Variants in GNG12 observed in about 807,000 individuals in gnomAD.
GNG12 encodes the protein guanine nucleotide-binding protein G(I)/G(S)/G(O) subunit gamma-12.
For missense variants in GNG12, 69 were observed against 83.8 expected, an observed-to-expected ratio of 0.82 and a Z score of 0.69; for synonymous variants, 28 against 29.7, an observed-to-expected ratio of 0.94 and a Z score of 0.19.
intron 1 of GNG12, among the ~76,000 whole-genome samples, chr1:67,801,146 G>A (rs1646862346): frequency 6.6e-6 from 1 of 152,144 alleles, no homozygotes; most frequent in African/African-American, 2.4e-5. Flanking sequence ...CTTCCATACA[G>A]CCAGGTGTAC....
intron 2 of GNG12, among the ~76,000 whole-genome samples, chr1:67,730,405 G>C (rs1646412082): frequency 6.6e-6 from 1 of 152,168 alleles, no homozygotes; most frequent in African/African-American, 2.4e-5. Flanking sequence ...GGAGGCTGAG[G>C]CATGAGAAAA....
chr1:67,716,995 C>G (rs1333892060), intron 2 of GNG12, among the ~76,000 whole-genome samples: 1 of 152,170 alleles, frequency 6.6e-6, no homozygotes, highest in East Asian at 1.9e-4. Flanking sequence ...AGAGCCTGGG[C>G]AGCGAGTTCC....
intron 2 of GNG12, among the ~76,000 whole-genome samples, chr1:67,754,678 G>A (rs189991608): frequency 2.0e-5 from 3 of 152,160 alleles, no homozygotes; most frequent in Admixed American, 6.5e-5. Context: ...TTTAGATATC[G>A]CTTCCTGCAG....
intron 2 of GNG12, among the ~76,000 whole-genome samples, chr1:67,754,997 T>C (rs530941130): frequency 1.3e-5 from 2 of 152,378 alleles, no homozygotes; most frequent in Admixed American, 1.3e-4. Context: ...GGTGGGCATG[T>C]GCCCCAGTTC....
chr1:67,740,125 T>A (rs914405819), intron 2 of GNG12, among the ~76,000 whole-genome samples: 2 of 152,242 alleles, frequency 1.3e-5, no homozygotes, highest in African/African-American at 4.8e-5. Flanking sequence ...TTTAGGATAT[T>A]ACATTAAGTA....
chr1:67,762,895 T>C (rs990969003), intron 2 of GNG12, among the ~76,000 whole-genome samples: 2 of 152,188 alleles, frequency 1.3e-5, no homozygotes, highest in African/African-American at 4.8e-5. Flanking sequence ...GTCTAAATTA[T>C]ACTCTGCTGC....
At chr1:67,723,390 G>A (rs1339457826) in intron 2 of GNG12, among the ~76,000 whole-genome samples, 1 of 152,104 alleles carries the variant, frequency 6.6e-6, no homozygotes, top group African/African-American at 2.4e-5. Context: ...AGGGAGGAAG[G>A]GTAAGTTAAT....
rs1293556392 is a variant in GNG12, at chr1:67,775,476, T to C, written c.-27+1982A>G. 3.3e-5 allele frequency among the ~76,000 whole-genome samples: 5 copies of C among 152,224 alleles called. No individual in the cohort carries two copies. In the East Asian group the frequency reaches 7.7e-4, roughly 23 times the overall value. ...GGGTCTACCCCAGACCTAATGAATATAGATGGCCCAGTGGAAGGGACTGTA... is the reference window on the plus strand; with the variant it reads ...GGGTCTACCCCAGACCTAATGAATACAGATGGCCCAGTGGAAGGGACTGTA... On this transcript the variant is annotated intron_variant, in intron 2 of 3. Coordinates refer to ENST00000370982, the MANE Select transcript of GNG12 (RefSeq NM_018841.6).
At chr1:67,789,676 G>A (rs1247826066) in intron 1 of GNG12, among the ~76,000 whole-genome samples, 4 of 149,618 alleles carry the variant, frequency 2.7e-5, no homozygotes, top group African/African-American at 7.7e-5. Flanking sequence ...AGAGTCAGGC[G>A]GCACAATCGG....
chr1:67,820,120 G>A (rs1279043671), intron 1 of GNG12, among the ~76,000 whole-genome samples: 2 of 151,554 alleles, frequency 1.3e-5, no homozygotes, highest in African/African-American at 4.9e-5. Context: ...CAGGCACAGC[G>A]GCTCACGCCT....
At chr1:67,796,409 T>G (rs1646831623) in intron 1 of GNG12, among the ~76,000 whole-genome samples, 1 of 152,100 alleles carries the variant, frequency 6.6e-6, no homozygotes, top group Non-Finnish European at 1.5e-5. Flanking sequence ...CTAACTCTGG[T>G]TCGTTAAAGA....
At chr1:67,818,241 C>T (rs1374106224) in intron 1 of GNG12, among the ~76,000 whole-genome samples, 4 of 152,110 alleles carry the variant, frequency 2.6e-5, no homozygotes, top group Admixed American at 6.6e-5. Context: ...GTACTTATTA[C>T]AGGTACTTAA....
chr1:67,826,605 C>A (rs1647012363), intron 1 of GNG12, among the ~76,000 whole-genome samples: 1 of 152,172 alleles, frequency 6.6e-6, no homozygotes, highest in African/African-American at 2.4e-5. Flanking sequence ...AGTCTAGGCA[C>A]AGCTCAGGCA....
intron 1 of GNG12, among the ~76,000 whole-genome samples, chr1:67,823,087 G>C (rs1006409706): frequency 3.3e-5 from 5 of 152,148 alleles, no homozygotes; most frequent in Admixed American, 1.3e-4. Flanking sequence ...TGAAATTAAA[G>C]GGAGAACAGG....
chr1:67,788,815 C>G (rs963861916), intron 1 of GNG12, among the ~76,000 whole-genome samples: 2 of 152,162 alleles, frequency 1.3e-5, no homozygotes, highest in African/African-American at 4.8e-5. Context: ...TAGAAGACAA[C>G]AAGAATGCAC....
chr1:67,711,943 A>G (rs889881795), intron 2 of GNG12, among the ~76,000 whole-genome samples: 1 of 152,250 alleles, frequency 6.6e-6, no homozygotes, highest in African/African-American at 2.4e-5. Context: ...TTTCAAGTTA[A>G]GGAGCCTCTG....
chr1:67,732,487 T>C (rs543808949), intron 2 of GNG12, among the ~76,000 whole-genome samples: 1 of 152,322 alleles, frequency 6.6e-6, no homozygotes, highest in East Asian at 1.9e-4. Context: ...GTACTTTAAA[T>C]ACTGCAAAGA....
intron 1 of GNG12, among the ~76,000 whole-genome samples, chr1:67,781,324 TATC>T (rs1227125477): frequency 3.9e-5 from 6 of 152,216 alleles, no homozygotes; most frequent in Non-Finnish European, 5.9e-5. Flanking sequence ...ACTCTTGCCA[TATC>T]ATCTCCTTAC....
intron 1 of GNG12, among the ~76,000 whole-genome samples, chr1:67,801,125 T>C (rs747138783): frequency 1.3e-5 from 2 of 152,114 alleles, no homozygotes; most frequent in Non-Finnish European, 1.5e-5. Context: ...ACAACCTCAG[T>C]TGAGTAGCGT....
Sources: gnomAD v4.1 joint callset for allele counts (sites outside exome capture counted in the v4.1 genomes callset) on GRCh38, gnomAD v4.1.1 for gene constraint, MANE v1.5 for transcripts, NCBI Gene and HGNC (gene_info 2026-07-23, HGNC 2026-07-21) for gene names.